The following AP1G1 variants were observed in gnomAD, a reference collection of about 807,000 sequenced individuals.
AP1G1 encodes adaptor related protein complex 1 subunit gamma 1, also known as AP-1 complex subunit gamma-1.
AP1G1 carries 7 observed loss-of-function variants against 108.3 expected under a neutral mutation model. That is an observed-to-expected ratio of 0.06 (90% confidence interval 0.04 to 0.12). The LOEUF (loss-of-function observed/expected upper bound fraction) is 0.12. Ranked by LOEUF, AP1G1 falls within the 10% of genes least tolerant of loss-of-function variation. The pLI, the probability that AP1G1 is intolerant of heterozygous loss-of-function variation, is 1.00. For missense variants in AP1G1, 756 were observed against 1,010.7 expected (o/e 0.75, Z 3.42); for synonymous variants, 379 against 353.5 (o/e 1.07, Z -0.81).
At chr16:71,765,671 G>T in intron 6 of AP1G1, 87 bp from the exon 7 acceptor site, 2 of 1,045,184 alleles carry the variant, frequency 1.9e-6, no homozygotes, top group Non-Finnish European at 3.0e-6. Flanking sequence ...GAAAAAGGGT[G>T]TAAGGGTCCC....
intron 2 of AP1G1, among the ~76,000 whole-genome samples, chr16:71,785,791 A>G (rs2032182632): frequency 6.6e-6 from 1 of 152,036 alleles, no homozygotes; most frequent in Admixed American, 6.6e-5. Flanking sequence ...CTGAGGAAGG[A>G]GAATGGCGTG....
intron 1 of AP1G1, among the ~76,000 whole-genome samples, chr16:71,803,163 G>C (rs1465897514): frequency 6.6e-6 from 1 of 151,938 alleles, no homozygotes; most frequent in East Asian, 1.9e-4. Context: ...GTAGTAAGCT[G>C]AGATGGCACC....
chr16:71,778,615 G>A (rs2031879915), intron 2 of AP1G1, among the ~76,000 whole-genome samples: 1 of 150,222 alleles, frequency 6.7e-6, no homozygotes, highest in South Asian at 2.1e-4. Context: ...AGCAGGAGGA[G>A]TAGGTTGCAG....
At chr16:71,750,187 A>T in intron 14 of AP1G1, 23 bp downstream of exon 14, 2 of 1,610,542 alleles carry the variant, frequency 1.2e-6, no homozygotes, top group African/African-American at 2.7e-5. Context: ...TTACCCCCTA[A>T]AATAGTTGAA....
chr16:71,804,988 G>T (rs1321434040), intron 1 of AP1G1, among the ~76,000 whole-genome samples: 1 of 152,126 alleles, frequency 6.6e-6, no homozygotes, highest in South Asian at 2.1e-4. Flanking sequence ...TCCAGCCTGG[G>T]TGAAAGAGTG....
intron 13 of AP1G1, among the ~76,000 whole-genome samples, chr16:71,750,884 T>C (rs1014185530): frequency 2.0e-5 from 3 of 151,556 alleles, no homozygotes; most frequent in African/African-American, 7.3e-5. Flanking sequence ...AGGCCGGGTG[T>C]GGTGGCTCAC....
chr16:71,794,835 C>CT lies in AP1G1; in HGVS notation c.-3-5354dup, dbSNP rs55761928. On this transcript the variant is annotated intron_variant, in intron 1 of 22. Coordinates refer to ENST00000299980, the MANE Select transcript of AP1G1 (RefSeq NM_001128.6). ...TACCATTCTCAGGCCATGAGAAGTG[C>CT]TTTTTTTTTTTTTTTTTTTTTTTTT... is the stretch of plus-strand genomic sequence containing the variant. Among the ~76,000 whole-genome samples the CT allele has an allele frequency of 5.6e-3, 223 of 39,658 alleles. 15 individuals carry two copies. The highest frequency in any genetic ancestry group is 9.4e-3 in the African/African-American group (90 of 9,544). 26.0% of individuals were successfully genotyped at this position (39,658 alleles called of 152,430 possible).
intron 4 of AP1G1, among the ~76,000 whole-genome samples, chr16:71,772,786 GAAT>G (rs1196739979): frequency 6.6e-6 from 1 of 152,134 alleles, no homozygotes; most frequent in Non-Finnish European, 1.5e-5. Context: ...TCAGATAGAA[GAAT>G]AATTCTCTTC....
chr16:71,767,490 AC>A (rs2031363598), intron 6 of AP1G1, among the ~76,000 whole-genome samples: 1 of 152,228 alleles, frequency 6.6e-6, no homozygotes, highest in Admixed American at 6.5e-5. Context: ...GTATGAGGTT[AC>A]CCACATGCGG....
At chr16:71,781,200 T>C (rs1433216296) in intron 2 of AP1G1, among the ~76,000 whole-genome samples, 1 of 152,194 alleles carries the variant, frequency 6.6e-6, no homozygotes, top group Non-Finnish European at 1.5e-5. Context: ...AGCAAGCTTG[T>C]TACAACTGCA....
intron 1 of AP1G1, 94 bp downstream of exon 1, chr16:71,808,669 C>A (rs1238774921): frequency 7.8e-7 from 1 of 1,288,362 alleles, no homozygotes; most frequent in Non-Finnish European, 1.0e-6. Flanking sequence ...TGGGACTGGA[C>A]CCCTGAAACT....
At chr16:71,761,631 T>A in intron 9 of AP1G1, 64 bp from the exon 10 acceptor site, 1 of 1,263,792 alleles carries the variant, frequency 7.9e-7, no homozygotes, top group Non-Finnish European at 1.1e-6. Flanking sequence ...TTCCTGAGTT[T>A]AAAGGATCAC....
At chr16:71,756,271 T>C in intron 11 of AP1G1, 112 bp from the exon 12 acceptor site, 2 of 840,448 alleles carry the variant, frequency 2.4e-6, no homozygotes, top group Non-Finnish European at 3.5e-6. Context: ...CTGACGTCCT[T>C]GCACGATCTT....
At chr16:71,780,786 C>G (rs1268006317) in intron 2 of AP1G1, among the ~76,000 whole-genome samples, 2 of 151,822 alleles carry the variant, frequency 1.3e-5, no homozygotes, top group African/African-American at 2.4e-5. Flanking sequence ...GCTACAACTA[C>G]AGGCATATGC....
intron 12 of AP1G1, among the ~76,000 whole-genome samples, chr16:71,755,224 G>A (rs1265096101): frequency 2.0e-5 from 3 of 152,004 alleles, no homozygotes; most frequent in South Asian, 2.1e-4. Flanking sequence ...CCAGGAGTTC[G>A]AGACCAGCCT....
intron 9 of AP1G1, among the ~76,000 whole-genome samples, chr16:71,762,991 T>C (rs578236689): frequency 6.6e-6 from 1 of 152,290 alleles, no homozygotes; most frequent in Admixed American, 6.5e-5. Flanking sequence ...AGTGTCAGAA[T>C]TGAATTCAAT....
intron 5 of AP1G1, among the ~76,000 whole-genome samples, chr16:71,770,812 C>A (rs1321055016): frequency 6.6e-6 from 1 of 152,150 alleles, no homozygotes; most frequent in Non-Finnish European, 1.5e-5. Flanking sequence ...GGAATTTTTT[C>A]TTTTATTGTA....
intron 1 of AP1G1, among the ~76,000 whole-genome samples, chr16:71,790,513 G>A (rs150426379): frequency 1.6e-3 from 218 of 140,142 alleles, no homozygotes; most frequent in Non-Finnish European, 2.8e-3. Context: ...AGCAACAAGA[G>A]TGAAACTCCA....
At chr16:71,758,392 C>G in intron 11 of AP1G1, 1 of 519,302 alleles carries the variant, frequency 1.9e-6, no homozygotes, top group South Asian at 1.4e-5. Context: ...GGCGTAAGTA[C>G]TGTGAAAAAC....
Sources: gnomAD v4.1 joint callset for allele counts (sites outside exome capture counted in the v4.1 genomes callset) on GRCh38, gnomAD v4.1.1 for gene constraint, MANE v1.5 for transcripts, NCBI Gene and HGNC (gene_info 2026-07-23, HGNC 2026-07-21) for gene names.